The following SLC24A2 variants were observed in gnomAD, a reference collection of about 807,000 sequenced individuals.
The protein encoded by SLC24A2 is sodium/potassium/calcium exchanger 2.
A neutral mutation model predicts 62.0 loss-of-function variants in SLC24A2; 36 were observed. The observed-to-expected ratio is 0.58, with a 90% CI of 0.44 to 0.77. SLC24A2 has a LOEUF of 0.77. Among genes scored for constraint, SLC24A2 ranks in the 30% least tolerant of loss-of-function variants. SLC24A2 has a pLI of 0.00. For synonymous variants in SLC24A2, 358 were observed against 294.0 expected (o/e 1.22, Z -2.23); for missense variants, 846 against 817.9 (o/e 1.03, Z -0.42).
the SLC24A2 span, among the ~76,000 whole-genome samples, chr9:20,278,285 A>G: frequency 2.0e-5 from 3 of 152,310 alleles, no homozygotes; most frequent in Non-Finnish European, 2.9e-5. Context: ...TTTCTATCAC[A>G]TATCAGGCTG....
intron 2 of SLC24A2, among the ~76,000 whole-genome samples, chr9:19,745,336 G>T (rs1008689688): frequency 6.6e-6 from 1 of 152,110 alleles, no homozygotes; most frequent in Non-Finnish European, 1.5e-5. Flanking sequence ...TTCATGCAAT[G>T]CAAATAGACT....
At chr9:20,021,882 A>C in the SLC24A2 span, among the ~76,000 whole-genome samples, 1 of 152,110 alleles carries the variant, frequency 6.6e-6, no homozygotes, top group Non-Finnish European at 1.5e-5. Flanking sequence ...GCCCATGCCC[A>C]GCTCTTCAGT....
At chr9:20,157,931 A>G in the SLC24A2 span, among the ~76,000 whole-genome samples, 1 of 151,584 alleles carries the variant, frequency 6.6e-6, no homozygotes, top group African/African-American at 2.4e-5. Flanking sequence ...AAAGCAACCC[A>G]GTGCTATGCA....
chr9:19,941,590 TGA>T, the SLC24A2 span, among the ~76,000 whole-genome samples: 15 of 127,906 alleles, frequency 1.2e-4, no homozygotes, highest in East Asian at 6.5e-4. Flanking sequence ...TGTGTGTGTG[TGA>T]GAGAGAGAGA....
At chr9:19,875,834 C>T in the SLC24A2 span, among the ~76,000 whole-genome samples, 49 of 152,194 alleles carry the variant, frequency 3.2e-4, no homozygotes, top group African/African-American at 9.7e-5. Flanking sequence ...GAATGACACA[C>T]TGCTTCAGAT....
chr9:19,961,450 A>C, the SLC24A2 span, among the ~76,000 whole-genome samples: 1 of 152,198 alleles, frequency 6.6e-6, no homozygotes, highest in African/African-American at 2.4e-5. Flanking sequence ...AGACTTAACA[A>C]AAAAATGAAT....
chr9:19,722,382 T>C (rs1024255952), intron 2 of SLC24A2, among the ~76,000 whole-genome samples: 2 of 152,140 alleles, frequency 1.3e-5, no homozygotes, highest in African/African-American at 4.8e-5. Context: ...TTGGTATCAC[T>C]TTAAAATAAA....
At chr9:20,034,996 A>G in the SLC24A2 span, among the ~76,000 whole-genome samples, 3 of 152,220 alleles carry the variant, frequency 2.0e-5, no homozygotes, top group African/African-American at 7.2e-5. Context: ...AAGAAAAAAT[A>G]TAGTTAAAAT....
chr9:19,752,757 C>A (rs1822023726), intron 2 of SLC24A2, among the ~76,000 whole-genome samples: 1 of 152,106 alleles, frequency 6.6e-6, no homozygotes, highest in African/African-American at 2.4e-5. Flanking sequence ...TATATCCTCA[C>A]AACAATCTTA....
chr9:20,010,992 C>T, the SLC24A2 span, among the ~76,000 whole-genome samples: 1 of 152,084 alleles, frequency 6.6e-6, no homozygotes, highest in Non-Finnish European at 1.5e-5. Context: ...GCCACATTTT[C>T]TTAATCCAGT....
intron 2 of SLC24A2, among the ~76,000 whole-genome samples, chr9:19,638,792 AATAAGATGACATAC>A (rs1587077189): frequency 3.8e-5 from 3 of 79,400 alleles, no homozygotes; most frequent in East Asian, 4.8e-4. Context: ...GATGACATTA[AATAAGATGACATAC>A]GTAAAATTCC....
chr9:19,735,808 T>C (rs1284938320), intron 2 of SLC24A2, among the ~76,000 whole-genome samples: 4 of 141,586 alleles, frequency 2.8e-5, no homozygotes, highest in Non-Finnish European at 6.0e-5. Flanking sequence ...AATTGAACAA[T>C]GAGAACACAT....
chr9:20,038,635 A>C, the SLC24A2 span, among the ~76,000 whole-genome samples: 6 of 151,870 alleles, frequency 4.0e-5, no homozygotes, highest in Admixed American at 6.5e-5. Context: ...AAACAAACAA[A>C]AAAAAAAAAA....
the SLC24A2 span, among the ~76,000 whole-genome samples, chr9:20,279,040 G>A: frequency 1.3e-5 from 2 of 152,034 alleles, no homozygotes; most frequent in Non-Finnish European, 2.9e-5. Flanking sequence ...AGAGCAAAAT[G>A]GGGAAAAGCT....
At chr9:20,018,940 T>C in the SLC24A2 span, among the ~76,000 whole-genome samples, 1 of 151,908 alleles carries the variant, frequency 6.6e-6, no homozygotes, top group Non-Finnish European at 1.5e-5. Flanking sequence ...GGTGTGCACC[T>C]GTCATCTCAG....
chr9:20,289,948 C>G, the SLC24A2 span, among the ~76,000 whole-genome samples: 1 of 152,284 alleles, frequency 6.6e-6, no homozygotes, highest in South Asian at 2.1e-4. Context: ...CACACAGCCA[C>G]ACACACATTG....
the SLC24A2 span, among the ~76,000 whole-genome samples, chr9:20,011,698 C>G: frequency 1.2e-4 from 18 of 152,062 alleles, no homozygotes; most frequent in African/African-American, 4.3e-4. Context: ...CATTTAGGTA[C>G]AGGAAGCTCA....
At chr9:19,530,605 AAAGGTATAAAGC>A (rs1196190632) in intron 8 of SLC24A2, among the ~76,000 whole-genome samples, 1 of 152,226 alleles carries the variant, frequency 6.6e-6, no homozygotes, top group Non-Finnish European at 1.5e-5. Context: ...TTCCTAGCCA[AAAGGTATAAAGC>A]AAGGTATCAG....
At chr9:19,641,574 G>C (rs1323952961) in intron 2 of SLC24A2, among the ~76,000 whole-genome samples, 1 of 151,168 alleles carries the variant, frequency 6.6e-6, no homozygotes, top group African/African-American at 2.4e-5. Flanking sequence ...GAGTGCAGTG[G>C]TGTGATCTTG....
Sources: gnomAD v4.1 joint callset for allele counts (sites outside exome capture counted in the v4.1 genomes callset) on GRCh38, gnomAD v4.1.1 for gene constraint, MANE v1.5 for transcripts, NCBI Gene and HGNC (gene_info 2026-07-23, HGNC 2026-07-21) for gene names.